HIVEP2: variants seen among roughly 807,000 people sequenced by gnomAD.
HIVEP2 encodes the protein HIVEP zinc finger 2.
A neutral mutation model predicts 180.7 loss-of-function variants in HIVEP2; 14 were observed. The ratio of observed to expected loss-of-function variants is 0.08; its 90% CI spans 0.05 to 0.12. The LOEUF (loss-of-function observed/expected upper bound fraction) is 0.12, where lower values mean the gene tolerates loss of function less well. Ranked by LOEUF, HIVEP2 falls within the 10% of genes least tolerant of loss-of-function variation. The pLI is 1.00. For synonymous variants in HIVEP2, 1,184 were observed against 1,136.4 expected (o/e 1.04, Z -0.84); for missense variants, 2,579 against 3,008.5 (o/e 0.86, Z 3.34).
chr6:142,798,686 G>A (rs900948137), intron 2 of HIVEP2, among the ~76,000 whole-genome samples: 11 of 152,278 alleles, frequency 7.2e-5, no homozygotes, highest in South Asian at 2.1e-4. Flanking sequence ...AGATGGGGTT[G>A]ATTGATGAAG....
Position 142,806,898 on chromosome 6 carries a change from G to C in HIVEP2, c.-527-23283C>G, listed in dbSNP as rs1437077470. Reference sequence around the variant, plus strand: ...ACTGTCCAGGATCCACGGTCCCTCTGGCTGTAAGGAGCTGGCATTGGAACT... The same window carrying C: ...ACTGTCCAGGATCCACGGTCCCTCTCGCTGTAAGGAGCTGGCATTGGAACT... On this transcript the variant is annotated intron_variant, in intron 2 of 9. Coordinates refer to ENST00000367603, the MANE Select transcript of HIVEP2 (RefSeq NM_006734.4). 2.6e-5 allele frequency among the ~76,000 whole-genome samples: 4 copies of C among 152,122 alleles called. No individual in the cohort carries two copies. The East Asian group carries it at 7.7e-4, about 29-fold the overall frequency.
In HIVEP2 at chr6:142,774,180, C is replaced by T. The variant is rs909844024; in HGVS notation, c.559G>A (p.Gly187Ser). The T allele has an allele frequency of 6.2e-7, 1 of 1,613,996 alleles. No homozygotes were observed. Among genetic ancestry groups the T allele is most frequent in the Non-Finnish European group, 8.5e-7 (1 of 1,180,046 alleles). ...HKKEHKPKKP[G>S]KYICPYCSRA... ...CTGCAGTAAGGGCAAATGTACTTGC[C>T]AGGCTTTTTGGGTTTGTGCTCTTTC... Residue 187 changes from glycine to serine, a missense_variant, in exon 5 of 10, where the codon GGC (glycine) becomes AGC (serine). Coordinates refer to ENST00000367603, the MANE Select transcript of HIVEP2 (RefSeq NM_006734.4). This position sits in a 1 kb window ranked among gnomAD's most constrained non-coding sequence, Gnocchi z 5.1.
chr6:142,853,528 G>A (rs1029359544), intron 1 of HIVEP2, among the ~76,000 whole-genome samples: 1 of 152,182 alleles, frequency 6.6e-6, no homozygotes, highest in African/African-American at 2.4e-5. Context: ...CCCTTCAAAA[G>A]CCTGTATAAC....
At chr6:142,936,269 T>G (rs1476625685) in intron 1 of HIVEP2, among the ~76,000 whole-genome samples, 4 of 151,676 alleles carry the variant, frequency 2.6e-5, no homozygotes, top group Non-Finnish European at 5.9e-5. Context: ...CTCGGCTCAC[T>G]GCAACCTCTA....
At chr6:142,801,823 C>T (rs1776418743) in intron 2 of HIVEP2, among the ~76,000 whole-genome samples, 1 of 152,140 alleles carries the variant, frequency 6.6e-6, no homozygotes, top group African/African-American at 2.4e-5. Context: ...TTATAGATGT[C>T]CCATCACAGG....
At chr6:142,768,631 A>C (rs1384910028) in intron 5 of HIVEP2, 95 bp from the exon 6 acceptor site, 1 of 1,291,762 alleles carries the variant, frequency 7.7e-7, no homozygotes, top group Non-Finnish European at 1.1e-6. Context: ...AAATGAGCCT[A>C]AATTCTGTAC....
At chr6:142,877,136 TTTA>T (rs1776461962) in intron 1 of HIVEP2, among the ~76,000 whole-genome samples, 2 of 152,342 alleles carry the variant, frequency 1.3e-5, no homozygotes, top group Middle Eastern at 3.4e-3. Flanking sequence ...TGCCCTTTTC[TTTA>T]TTATCATATA....
At chr6:142,819,605 C>G (rs1470077099) in intron 2 of HIVEP2, among the ~76,000 whole-genome samples, 2 of 152,164 alleles carry the variant, frequency 1.3e-5, no homozygotes, top group Non-Finnish European at 2.9e-5. Flanking sequence ...TTTCTAATAA[C>G]TATTCAGGAT....
chr6:142,847,835 A>AAG (rs1419069520), intron 1 of HIVEP2, among the ~76,000 whole-genome samples: 1 of 152,230 alleles, frequency 6.6e-6, no homozygotes, highest in Non-Finnish European at 1.5e-5. Flanking sequence ...TATTAAAAAA[A>AAG]AGCTAAGTGG....
chr6:142,801,491 C>T (rs963573171), intron 2 of HIVEP2, among the ~76,000 whole-genome samples: 29 of 150,906 alleles, frequency 1.9e-4, no homozygotes, highest in South Asian at 2.1e-4. Context: ...ATAAGGCCAA[C>T]GATCACTGAG....
intron 2 of HIVEP2, among the ~76,000 whole-genome samples, chr6:142,797,253 TA>T (rs1166411764): frequency 4.6e-5 from 7 of 151,834 alleles, no homozygotes; most frequent in South Asian, 2.1e-4. Context: ...GATGAAAAAT[TA>T]AAAAAAAATT....
chr6:142,911,433 G>A, intron 1 of HIVEP2, among the ~76,000 whole-genome samples: 1 of 152,188 alleles, frequency 6.6e-6, no homozygotes, highest in South Asian at 2.1e-4. Context: ...GAAGTGTCCT[G>A]CAGGCTTATT....
In HIVEP2 at chr6:142,753,215, G is replaced by T; in HGVS notation, c.7233C>A (p.Ser2411Arg). The T allele has an allele frequency of 2.5e-6, 4 of 1,613,876 alleles. No individual in the cohort carries two copies. In the East Asian group the frequency reaches 8.9e-5, roughly 36 times the overall value. The change falls in exon 10 of 10, where the codon AGC becomes AGA. Residue 2411 changes from serine to arginine, a missense_variant. Around this residue, in one of 11 missense-constraint regions of HIVEP2, gnomAD observed 660 missense variants for 731.7 expected, o/e 0.90. Coordinates refer to ENST00000367603, the MANE Select transcript of HIVEP2 (RefSeq NM_006734.4). ...QTPLAHSTFY[S>R]KSCVDDKQLD... The stretch of plus-strand genomic sequence containing the variant: ...ACTGCTTGTCATCCACACAACTCTT[G>T]CTGTAAAACGTGGAGTGAGCTAATG...
In HIVEP2 at chr6:142,772,527, C is replaced by A. The variant is rs1159717497; in HGVS notation, c.2212G>T (p.Val738Phe). Residue 738 changes from valine (V) to phenylalanine (F), a missense_variant, in exon 5 of 10, where the codon GTC becomes TTC. Around this residue, in one of 11 missense-constraint regions of HIVEP2, gnomAD observed 524 missense variants for 563.6 expected, o/e 0.93. Transcript: ENST00000367603. The surrounding 1 kb of genome is among the most constrained non-coding windows in gnomAD (Gnocchi z 4.9). Reference sequence around the variant, plus strand: ...CCAGCCATGGCAAATCCACTCCTGACTCCTTCCTGCATCTGCAGTTTGGGG... The same window carrying A: ...CCAGCCATGGCAAATCCACTCCTGAATCCTTCCTGCATCTGCAGTTTGGGG... ...YDPKLQMQEG[V>F]RSGFAMAGHE... 6.2e-7 allele frequency: 1 copy of A among 1,614,188 alleles called. No individual in the cohort carries two copies. Among genetic ancestry groups the A allele is most frequent in the Non-Finnish European group, 8.5e-7 (1 of 1,180,052 alleles).
chr6:142,912,449 T>G (rs1164421317), intron 1 of HIVEP2, among the ~76,000 whole-genome samples: 2 of 152,210 alleles, frequency 1.3e-5, no homozygotes, highest in Non-Finnish European at 2.9e-5. Context: ...CACACCTCTC[T>G]TCTCGTGGCT....
chr6:142,839,622 G>A (rs116492258), intron 1 of HIVEP2, among the ~76,000 whole-genome samples: 1,630 of 152,116 alleles, frequency 0.011, 18 homozygotes, highest in Middle Eastern at 0.037. Context: ...GTGGTCTACC[G>A]GGAGTAGTAC....
At chr6:142,882,897 G>T (rs569307450) in intron 1 of HIVEP2, among the ~76,000 whole-genome samples, 7 of 152,144 alleles carry the variant, frequency 4.6e-5, no homozygotes, top group African/African-American at 1.7e-4. Flanking sequence ...CTTAGTGAAA[G>T]GACCACATAT....
chr6:142,813,840 A>C (rs1776763035), intron 2 of HIVEP2, among the ~76,000 whole-genome samples: 2 of 151,908 alleles, frequency 1.3e-5, no homozygotes, highest in Non-Finnish European at 1.5e-5. Flanking sequence ...TGCTGGGATT[A>C]CAGGCATGAG....
intron 1 of HIVEP2, among the ~76,000 whole-genome samples, chr6:142,851,322 T>C (rs774623868): frequency 5.3e-5 from 8 of 152,214 alleles, no homozygotes; most frequent in Non-Finnish European, 1.2e-4. Flanking sequence ...CATGATTTAA[T>C]TTCTCTATAA....
Sources: allele counts gnomAD v4.1 joint callset (sites outside exome capture counted in the v4.1 genomes callset), GRCh38; gene constraint gnomAD v4.1.1; regional missense constraint gnomAD v4.1.1; non-coding constraint Gnocchi (gnomAD v3.1); transcripts MANE v1.5; gene names NCBI Gene and HGNC (gene_info 2026-07-23, HGNC 2026-07-21).